The following ATXN7L1 variants were observed in gnomAD, a reference collection of about 807,000 sequenced individuals.
ATXN7L1 encodes ataxin-7-like protein 1.
Under a neutral mutation model 70.8 loss-of-function variants are expected in ATXN7L1, and 15 were observed. The ratio of observed to expected loss-of-function variants is 0.21; its 90% CI spans 0.14 to 0.33. The LOEUF (loss-of-function observed/expected upper bound fraction) is 0.33. Ranked by LOEUF, ATXN7L1 falls within the 10% of genes least tolerant of loss-of-function variation. ATXN7L1 has a pLI of 1.00. For missense variants in ATXN7L1, 975 were observed against 1,097.1 expected, an observed-to-expected ratio of 0.89 and a Z score of 1.57; for synonymous variants, 440 against 445.1, an observed-to-expected ratio of 0.99 and a Z score of 0.14.
chr7:105,798,956 CG>C (rs1359696664), intron 2 of ATXN7L1, among the ~76,000 whole-genome samples: 1 of 152,194 alleles, frequency 6.6e-6, no homozygotes, highest in Non-Finnish European at 1.5e-5. Context: ...TGATGAGAAA[CG>C]CAGTTCTCAC....
chr7:105,773,003 C>T (rs1022702779), intron 3 of ATXN7L1, among the ~76,000 whole-genome samples: 4 of 152,120 alleles, frequency 2.6e-5, no homozygotes, highest in African/African-American at 9.7e-5. Flanking sequence ...GTTCTCTGAC[C>T]ACCATCAATT....
intron 3 of ATXN7L1, among the ~76,000 whole-genome samples, chr7:105,676,389 A>G (rs1204347940): frequency 6.6e-6 from 1 of 152,172 alleles, no homozygotes; most frequent in African/African-American, 2.4e-5. Flanking sequence ...CTTGCAGATA[A>G]GCTGTTGAAT....
chr7:105,821,545 G>A (rs1035262423), intron 2 of ATXN7L1, among the ~76,000 whole-genome samples: 1 of 152,158 alleles, frequency 6.6e-6, no homozygotes, highest in Non-Finnish European at 1.5e-5. Flanking sequence ...TGATTGTATG[G>A]GTATCAGAGA....
At chr7:105,860,130 T>TAA (rs1771937832) in intron 2 of ATXN7L1, among the ~76,000 whole-genome samples, 1 of 76,188 alleles carries the variant, frequency 1.3e-5, no homozygotes, top group African/African-American at 4.3e-5. Flanking sequence ...TATATGTAAA[T>TAA]ATATATATAT....
intron 3 of ATXN7L1, among the ~76,000 whole-genome samples, chr7:105,682,628 A>G (rs1805683574): frequency 1.3e-5 from 2 of 152,264 alleles, no homozygotes; most frequent in South Asian, 4.1e-4. Context: ...GATACATGCT[A>G]CAATACAAAT....
At chr7:105,784,619 A>C (rs1001056207) in intron 3 of ATXN7L1, among the ~76,000 whole-genome samples, 5 of 152,184 alleles carry the variant, frequency 3.3e-5, no homozygotes, top group African/African-American at 1.2e-4. Flanking sequence ...AACTGCATCC[A>C]GCTGGGGGCG....
In ATXN7L1 at chr7:105,614,964, T is replaced by G; in HGVS notation, c.1518-148A>C. ...AATGGAGCCTTGAAGGATGGGAGAA[T>G]CTGAAGCATGGCCCCTCCTTATGGC... On this transcript the variant is annotated intron_variant, in intron 9 of 11. Coordinates refer to ENST00000419735, the MANE Select transcript of ATXN7L1 (RefSeq NM_020725.2). The surrounding 1 kb of genome is among the most constrained non-coding windows in gnomAD (Gnocchi z 4.3). 1 of 961,466 alleles carries G rather than the reference T, an allele frequency of 1.0e-6. No individual in the cohort carries two copies. Among genetic ancestry groups the G allele is most frequent in the Non-Finnish European group, 1.5e-6 (1 of 672,736 alleles). The allele number at this position is 961,466 out of a possible 1,614,324, so 59.6% of individuals were successfully genotyped here.
intron 3 of ATXN7L1, among the ~76,000 whole-genome samples, chr7:105,755,663 C>T (rs1037733153): frequency 6.6e-6 from 1 of 152,146 alleles, no homozygotes; most frequent in African/African-American, 2.4e-5. Context: ...GGTGAATTTC[C>T]AGCTGGAATT....
intron 3 of ATXN7L1, among the ~76,000 whole-genome samples, chr7:105,693,220 G>A (rs1044707244): frequency 3.3e-5 from 5 of 150,826 alleles, no homozygotes; most frequent in Admixed American, 6.6e-5. Flanking sequence ...TAGAGACAAG[G>A]TTTCTCTCTT....
At chr7:105,786,715 A>C (rs957055838) in intron 3 of ATXN7L1, among the ~76,000 whole-genome samples, 2 of 151,930 alleles carry the variant, frequency 1.3e-5, no homozygotes, top group Middle Eastern at 3.4e-3. Context: ...GGGTCTCACT[A>C]TGTTGCCCAG....
intron 10 of ATXN7L1, among the ~76,000 whole-genome samples, chr7:105,611,782 T>C (rs561762593): frequency 2.2e-4 from 34 of 152,258 alleles, no homozygotes; most frequent in African/African-American, 7.2e-4. Context: ...AAAGCAAAGG[T>C]TTATCTTGGA....
At chr7:105,624,787 T>G (rs1226199825) in intron 7 of ATXN7L1, among the ~76,000 whole-genome samples, 1 of 152,156 alleles carries the variant, frequency 6.6e-6, no homozygotes, top group Non-Finnish European at 1.5e-5. Context: ...CACAGTCAAG[T>G]TAGGTTCTGC....
intron 3 of ATXN7L1, among the ~76,000 whole-genome samples, chr7:105,779,991 A>G (rs1803296530): frequency 6.6e-6 from 1 of 152,244 alleles, no homozygotes; most frequent in Non-Finnish European, 1.5e-5. Flanking sequence ...GCCCCACGCA[A>G]TGGCAATCAA....
In ATXN7L1 at chr7:105,787,473, C is replaced by G; in HGVS notation, c.355+1131G>C. Among the ~76,000 whole-genome samples the G allele has an allele frequency of 1.3e-5, 2 of 152,028 alleles. 1 individual carries two copies. The highest frequency in any genetic ancestry group is 4.2e-4 in the South Asian group (2 of 4,818). The stretch of plus-strand genomic sequence containing the variant: ...TACACATTACAAACACAAAATATGC[C>G]TACAGTATATACACAGATACAGATT... On this transcript the variant is annotated intron_variant, in intron 3 of 11. Transcript: ENST00000419735.
chr7:105,741,080 G>A (rs1797976927), intron 3 of ATXN7L1, among the ~76,000 whole-genome samples: 1 of 152,082 alleles, frequency 6.6e-6, no homozygotes, highest in Non-Finnish European at 1.5e-5. Flanking sequence ...CCATTCTTAA[G>A]CCTTCCTCAG....
intron 2 of ATXN7L1, among the ~76,000 whole-genome samples, chr7:105,842,812 A>C (rs1407189143): frequency 6.6e-6 from 1 of 152,158 alleles, no homozygotes; most frequent in Non-Finnish European, 1.5e-5. Flanking sequence ...TCCCAACAGC[A>C]ATGTGTAAGG....
intron 3 of ATXN7L1, among the ~76,000 whole-genome samples, chr7:105,692,424 T>TCCTTCCTTCCTCCCTC: frequency 5.9e-4 from 52 of 88,164 alleles, no homozygotes; most frequent in African/African-American, 7.5e-4. Flanking sequence ...CTTCCTTCCT[T>TCCTTCCTTCCTCCCTC]CCTCCCTCCC....
chr7:105,831,789 G>A (rs932281519), intron 2 of ATXN7L1, among the ~76,000 whole-genome samples: 1 of 152,134 alleles, frequency 6.6e-6, no homozygotes, highest in Non-Finnish European at 1.5e-5. Context: ...GACATGGGCT[G>A]ATTTTAGCCC....
At chr7:105,688,099 G>C (rs1790200967) in intron 3 of ATXN7L1, among the ~76,000 whole-genome samples, 1 of 152,148 alleles carries the variant, frequency 6.6e-6, no homozygotes, top group South Asian at 2.1e-4. Context: ...CCTTGTTGTT[G>C]CCGGCTAGAC....
Sources: allele counts gnomAD v4.1 joint callset (sites outside exome capture counted in the v4.1 genomes callset), GRCh38; gene constraint gnomAD v4.1.1; non-coding constraint Gnocchi (gnomAD v3.1); transcripts MANE v1.5; gene names NCBI Gene and HGNC (gene_info 2026-07-23, HGNC 2026-07-21).